Variants in FAM13C observed in about 807,000 individuals in gnomAD.
The protein encoded by FAM13C is protein FAM13C.
In FAM13C, 37 loss-of-function variants were observed where a neutral mutation model predicts 73.2. That is an observed-to-expected ratio of 0.51 (90% confidence interval 0.39 to 0.67). FAM13C has a LOEUF of 0.67. Ranked by LOEUF, FAM13C falls within the 30% of genes least tolerant of loss-of-function variation. The pLI, the probability that FAM13C is intolerant of heterozygous loss-of-function variation, is 0.00. For missense variants in FAM13C, 589 were observed against 715.6 expected (o/e 0.82, Z 2.02); for synonymous variants, 246 against 260.9 (o/e 0.94, Z 0.55).
intron 3 of FAM13C, among the ~76,000 whole-genome samples, chr10:59,345,300 T>C (rs1303411304): frequency 1.3e-5 from 2 of 152,200 alleles, no homozygotes; most frequent in South Asian, 2.1e-4. Flanking sequence ...CGGCCCTGAG[T>C]GCTACAATAC....
intron 5 of FAM13C, among the ~76,000 whole-genome samples, chr10:59,297,639 C>T (rs1308658543): frequency 6.6e-6 from 1 of 152,156 alleles, no homozygotes; most frequent in African/African-American, 2.4e-5. Context: ...CCCTCAGTTC[C>T]AGGGTTCCTT....
chr10:59,355,843 C>G, intron 2 of FAM13C, 44 bp downstream of exon 2: 1 of 1,582,914 alleles, frequency 6.3e-7, no homozygotes, highest in Non-Finnish European at 8.7e-7. Flanking sequence ...ACCTAGATGG[C>G]TTCTGTCTCT....
chr10:59,263,368 T>G (rs1206672404), intron 9 of FAM13C, among the ~76,000 whole-genome samples: 1 of 152,198 alleles, frequency 6.6e-6, no homozygotes, highest in Non-Finnish European at 1.5e-5. Flanking sequence ...AGACTTTGTC[T>G]TGATGTTTAA....
intron 11 of FAM13C, chr10:59,253,961 A>G (rs1841665589): frequency 4.9e-6 from 1 of 205,126 alleles, no homozygotes; most frequent in African/African-American, 2.3e-5. Flanking sequence ...TATCAAGAAT[A>G]TATTGTTAAT....
At chr10:59,250,221 A>G (rs1841234913) in intron 13 of FAM13C, among the ~76,000 whole-genome samples, 1 of 152,230 alleles carries the variant, frequency 6.6e-6, no homozygotes, top group African/African-American at 2.4e-5. Flanking sequence ...CCCAAAGTAT[A>G]ATAGGAGCAG....
intron 5 of FAM13C, among the ~76,000 whole-genome samples, chr10:59,296,695 T>A (rs1440837970): frequency 2.0e-5 from 3 of 152,216 alleles, no homozygotes; most frequent in Non-Finnish European, 4.4e-5. Flanking sequence ...TCTAATGGTA[T>A]TCCTAAGGAA....
intron 11 of FAM13C, 196 bp downstream of exon 11, chr10:59,254,152 T>C (rs1202867886): frequency 7.5e-6 from 3 of 399,740 alleles, no homozygotes; most frequent in Non-Finnish European, 8.9e-6. Context: ...TATTTTACAA[T>C]AGTTCTAATA....
At chr10:59,357,206 C>A (rs956438978) in intron 1 of FAM13C, among the ~76,000 whole-genome samples, 3 of 152,144 alleles carry the variant, frequency 2.0e-5, no homozygotes, top group Non-Finnish European at 4.4e-5. Context: ...TACATATATC[C>A]TATTAATTCT....
At chr10:59,321,432 C>CTTTT (rs1057110939) in intron 4 of FAM13C, among the ~76,000 whole-genome samples, 3 of 58,092 alleles carry the variant, frequency 5.2e-5, no homozygotes, top group African/African-American at 5.9e-5. Context: ...CTGCCAACAC[C>CTTTT]TTTTTTTTTT....
chr10:59,259,276 G>T (rs962629033), intron 10 of FAM13C, among the ~76,000 whole-genome samples: 3 of 152,170 alleles, frequency 2.0e-5, no homozygotes, highest in African/African-American at 7.2e-5. Context: ...ATTACAGAAA[G>T]AGTCATAATA....
intron 10 of FAM13C, among the ~76,000 whole-genome samples, chr10:59,260,823 C>T (rs954413072): frequency 1.3e-5 from 2 of 152,104 alleles, no homozygotes; most frequent in African/African-American, 2.4e-5. Flanking sequence ...GAACTATTAT[C>T]CACCAGTCAG....
At chr10:59,326,932 C>T (rs901815273) in intron 3 of FAM13C, among the ~76,000 whole-genome samples, 11 of 152,162 alleles carry the variant, frequency 7.2e-5, no homozygotes, top group African/African-American at 2.7e-4. Flanking sequence ...AAACACATTA[C>T]CTTTCCTGTA....
intron 6 of FAM13C, among the ~76,000 whole-genome samples, chr10:59,271,325 C>T (rs571857838): frequency 2.0e-5 from 3 of 152,328 alleles, no homozygotes; most frequent in Admixed American, 2.0e-4. Context: ...GCTCCTTGTT[C>T]TCTAGAGCTT....
In FAM13C at chr10:59,286,286, A is replaced by C. The variant is rs368617754; in HGVS notation, c.508-2839T>G. Among the ~76,000 whole-genome samples the C allele has an allele frequency of 1.7e-4, 26 of 151,854 alleles. No homozygotes were observed. The East Asian group carries it at 2.7e-3, about 16-fold the overall frequency. ...TCCCAGCACTTTGGGAGGCTGAGAC[A>C]GGCGGATCACTTGAGGCCAGGAGGT... On this transcript the variant is annotated intron_variant, in intron 5 of 13. Transcript: ENST00000618804.
chr10:59,247,764 T>C, intron 13 of FAM13C, 27 bp from the exon 14 acceptor site: 1 of 1,599,002 alleles, frequency 6.3e-7, no homozygotes, highest in Non-Finnish European at 8.5e-7. Context: ...CATTTGTTAG[T>C]TCACAATGAA....
At position 59,285,885 on chromosome 10, in the gene FAM13C, T is replaced by C. The variant is rs114631886; in HGVS notation, c.508-2438A>G. Among the ~76,000 whole-genome samples, 474 of 152,320 alleles carry C rather than the reference T, an allele frequency of 3.1e-3. 4 individuals are homozygous for C. Among genetic ancestry groups the C allele is most frequent in the African/African-American group, 0.011 (447 of 41,578 alleles). On this transcript the variant is annotated intron_variant, in intron 5 of 13. Transcript: ENST00000618804. ...AGAGAGGCTCAGGAGAAATTGACCCTGCTGGCACCTTGATCTGAGACTTCC... is the reference window on the plus strand; with the variant it reads ...AGAGAGGCTCAGGAGAAATTGACCCCGCTGGCACCTTGATCTGAGACTTCC...
intron 10 of FAM13C, among the ~76,000 whole-genome samples, chr10:59,259,809 C>T (rs1002596949): frequency 6.6e-6 from 1 of 152,154 alleles, no homozygotes; most frequent in African/African-American, 2.4e-5. Context: ...CTCTCATTTG[C>T]ATGTGTCTAT....
rs185747962 is a variant in FAM13C, at chr10:59,312,857, A to G, written c.444-9993T>C. Among the ~76,000 whole-genome samples the G allele has an allele frequency of 2.6e-5, 4 of 152,220 alleles. No individual in the cohort carries two copies. The East Asian group carries it at 7.7e-4, about 29-fold the overall frequency. On this transcript the variant is annotated intron_variant, in intron 4 of 13. Transcript: ENST00000618804. ...CAGTTAAGTTTGGCAAGCCACACCA[A>G]GCCTTTCTGACCCTTAAAATTGGTT...
intron 8 of FAM13C, among the ~76,000 whole-genome samples, chr10:59,266,763 C>A (rs966384136): frequency 6.6e-6 from 1 of 152,144 alleles, no homozygotes; most frequent in Non-Finnish European, 1.5e-5. Context: ...AGGAGGAATT[C>A]TCTTCCAAAA....
Sources: gnomAD v4.1 joint callset for allele counts (sites outside exome capture counted in the v4.1 genomes callset) on GRCh38, gnomAD v4.1.1 for gene constraint, MANE v1.5 for transcripts, NCBI Gene and HGNC (gene_info 2026-07-23, HGNC 2026-07-21) for gene names.